The following RIGI variants were observed in gnomAD, a reference collection of about 807,000 sequenced individuals.
RIGI encodes antiviral innate immune response receptor RIG-I.
the RIGI span, among the ~76,000 whole-genome samples, chr9:32,519,877 G>C: frequency 6.6e-6 from 1 of 152,008 alleles, no homozygotes; most frequent in Non-Finnish European, 1.5e-5. Flanking sequence ...ATGTATACTT[G>C]AAAACAAAAT....
the RIGI span, among the ~76,000 whole-genome samples, chr9:32,460,362 A>G: frequency 6.6e-6 from 1 of 152,214 alleles, no homozygotes; most frequent in Non-Finnish European, 1.5e-5. Context: ...TTGCATATGT[A>G]TAGTATGATT....
chr9:32,462,192 T>C, the RIGI span, among the ~76,000 whole-genome samples: 2 of 152,148 alleles, frequency 1.3e-5, no homozygotes, highest in Admixed American at 6.5e-5. Flanking sequence ...TATGGATTGC[T>C]GTAAAGCCTA....
chr9:32,514,752 C>T, the RIGI span, among the ~76,000 whole-genome samples: 12 of 152,240 alleles, frequency 7.9e-5, no homozygotes, highest in Admixed American at 2.0e-4. Context: ...GACTATTGCA[C>T]TTACCTTTGT....
At chr9:32,519,086 C>G in the RIGI span, among the ~76,000 whole-genome samples, 5 of 152,176 alleles carry the variant, frequency 3.3e-5, no homozygotes, top group Non-Finnish European at 7.4e-5. Flanking sequence ...GCATCAGGAA[C>G]AAAATATTCA....
chr9:32,511,805 G>T, the RIGI span, among the ~76,000 whole-genome samples: 1 of 152,026 alleles, frequency 6.6e-6, no homozygotes, highest in East Asian at 1.9e-4. Flanking sequence ...CTGGTTTTTT[G>T]AAAAGATTAA....
At chr9:32,476,398 A>G in the RIGI span, among the ~76,000 whole-genome samples, 5 of 152,102 alleles carry the variant, frequency 3.3e-5, no homozygotes, top group South Asian at 1.0e-3. Context: ...ATGGTGGCAG[A>G]GGGTGATGAG....
chr9:32,502,380 G>C, the RIGI span, among the ~76,000 whole-genome samples: 9 of 152,218 alleles, frequency 5.9e-5, no homozygotes, highest in East Asian at 1.7e-3. Context: ...ATAGGTGTGA[G>C]ATTTCTAGTT....
chr9:32,493,622 C>CA, the RIGI span: 82,067 of 461,892 alleles, frequency 0.18, 1,408 homozygotes, highest in Middle Eastern at 0.28. Flanking sequence ...GACTCCGTCT[C>CA]AAAAAAAAAA....
At chr9:32,517,513 T>C in the RIGI span, among the ~76,000 whole-genome samples, 2 of 152,260 alleles carry the variant, frequency 1.3e-5, no homozygotes, top group Non-Finnish European at 1.5e-5. Context: ...AGTAAATCTT[T>C]AATAAACAAG....
the RIGI span, chr9:32,455,591 T>G: frequency 6.6e-6 from 1 of 152,096 alleles, no homozygotes; most frequent in Admixed American, 6.6e-5. Context: ...AAGATGAGAT[T>G]TGGGTGGGGA....
the RIGI span, chr9:32,457,446 C>T: frequency 6.8e-7 from 1 of 1,463,742 alleles, no homozygotes; most frequent in African/African-American, 1.6e-5. Context: ...GAATAACACA[C>T]AAAAGAGAAC....
At chr9:32,498,089 C>T in the RIGI span, among the ~76,000 whole-genome samples, 1 of 152,166 alleles carries the variant, frequency 6.6e-6, no homozygotes, top group South Asian at 2.1e-4. Flanking sequence ...CCTGACTGCC[C>T]CTCCCTTTAG....
At chr9:32,495,533 GGGGTGA>G in the RIGI span, among the ~76,000 whole-genome samples, 61,226 of 151,526 alleles carry the variant, frequency 0.4, 12,868 homozygotes, top group South Asian at 0.51. Context: ...CATTGTAATG[GGGGTGA>G]GGTGATATTG....
chr9:32,466,757 G>T, the RIGI span, among the ~76,000 whole-genome samples: 1 of 149,054 alleles, frequency 6.7e-6, no homozygotes, highest in Non-Finnish European at 1.5e-5. Flanking sequence ...TAAATATGTG[G>T]AAAAACTAGG....
the RIGI span, among the ~76,000 whole-genome samples, chr9:32,491,713 C>CAAAAAAAAAAAAAAAAA: frequency 1.0e-5 from 1 of 100,458 alleles, no homozygotes; most frequent in Non-Finnish European, 2.1e-5. Context: ...TCGTATGCAC[C>CAAAAAAAAAAAAAAAAA]AAAAAAAAAA....
chr9:32,477,711 G>A, the RIGI span, among the ~76,000 whole-genome samples: 2 of 152,100 alleles, frequency 1.3e-5, no homozygotes, highest in African/African-American at 2.4e-5. Flanking sequence ...GATCACCTGA[G>A]GTCAGGGGTT....
At chr9:32,508,258 T>TTTTTTTTTA in the RIGI span, among the ~76,000 whole-genome samples, 14 of 138,050 alleles carry the variant, frequency 1.0e-4, no homozygotes, top group African/African-American at 3.5e-4. Flanking sequence ...TTTTTTTTTT[T>TTTTTTTTTA]ACTATATGAA....
At chr9:32,455,327 T>A in the RIGI span, among the ~76,000 whole-genome samples, 3 of 152,216 alleles carry the variant, frequency 2.0e-5, no homozygotes, top group Admixed American at 6.5e-5. Context: ...AGAGGCTTAA[T>A]AGATTCACAG....
chr9:32,500,738 A>G, the RIGI span: 1 of 1,550,068 alleles, frequency 6.5e-7, no homozygotes, highest in Non-Finnish European at 8.7e-7. Flanking sequence ...ATAGCTTTTC[A>G]CTTTTACAGT....
Sources: allele counts gnomAD v4.1 joint callset (sites outside exome capture counted in the v4.1 genomes callset), GRCh38; gene constraint gnomAD v4.1.1; transcripts MANE v1.5; gene names NCBI Gene and HGNC (gene_info 2026-07-23, HGNC 2026-07-21).